The following LRP1B variants were observed in gnomAD, a reference collection of about 807,000 sequenced individuals.
LRP1B encodes the protein LDL receptor related protein 1B.
LRP1B carries 217 observed loss-of-function variants against 556.6 expected under a neutral mutation model. The ratio of observed to expected loss-of-function variants is 0.39; its 90% CI spans 0.35 to 0.44. The LOEUF is 0.44. Among genes scored for constraint, LRP1B ranks in the 20% least tolerant of loss-of-function variants. LRP1B has a pLI of 1.00. For missense variants in LRP1B, 5,053 were observed against 5,620.8 expected (o/e 0.90, Z 3.23); for synonymous variants, 2,047 against 1,865.8 (o/e 1.10, Z -2.50).
chr2:141,835,775 T>C (rs759498244), intron 1 of LRP1B, among the ~76,000 whole-genome samples: 1 of 151,758 alleles, frequency 6.6e-6, no homozygotes, highest in Non-Finnish European at 1.5e-5. Context: ...ATGTATTACA[T>C]GGCTATAAAG....
At chr2:142,119,782 A>G (rs755810989) in intron 1 of LRP1B, among the ~76,000 whole-genome samples, 5 of 151,982 alleles carry the variant, frequency 3.3e-5, no homozygotes, top group Non-Finnish European at 7.4e-5. Flanking sequence ...TTTAGCTTCA[A>G]CAAGGACTAA....
intron 81 of LRP1B, among the ~76,000 whole-genome samples, chr2:140,323,300 C>A (rs1680257590): frequency 6.6e-6 from 1 of 151,924 alleles, no homozygotes; most frequent in South Asian, 2.1e-4. Flanking sequence ...CTTACCCACT[C>A]CTTTCTAGGA....
At chr2:140,867,984 A>G (rs1259014114) in intron 26 of LRP1B, 115 bp downstream of exon 26, 2 of 1,285,376 alleles carry the variant, frequency 1.6e-6, no homozygotes, top group Non-Finnish European at 2.1e-6. Flanking sequence ...AAAAAAAAAT[A>G]CACCTCCAAT....
chr2:140,764,117 A>G (rs180912468), intron 35 of LRP1B, among the ~76,000 whole-genome samples: 7 of 152,304 alleles, frequency 4.6e-5, no homozygotes, highest in African/African-American at 1.7e-4. Flanking sequence ...CAAAGTCGTT[A>G]CTAGAAAAAT....
intron 1 of LRP1B, among the ~76,000 whole-genome samples, chr2:141,860,836 C>T (rs546904485): frequency 1.3e-5 from 2 of 152,270 alleles, no homozygotes; most frequent in Admixed American, 6.5e-5. Flanking sequence ...ATCTTCACAG[C>T]AACCTGAGAT....
At chr2:141,182,993 A>G (rs1681071537) in intron 7 of LRP1B, among the ~76,000 whole-genome samples, 1 of 151,960 alleles carries the variant, frequency 6.6e-6, no homozygotes, top group Non-Finnish European at 1.5e-5. Flanking sequence ...AGAAAAAAGT[A>G]CAAAGGGTCG....
At chr2:141,505,994 A>G (rs1683918224) in intron 2 of LRP1B, among the ~76,000 whole-genome samples, 1 of 152,100 alleles carries the variant, frequency 6.6e-6, no homozygotes, top group African/African-American at 2.4e-5. Flanking sequence ...TGTCCGGGAA[A>G]GACTGCCTCG....
At chr2:141,169,851 CATG>C (rs775637433) in intron 7 of LRP1B, among the ~76,000 whole-genome samples, 55 of 149,702 alleles carry the variant, frequency 3.7e-4, no homozygotes, top group Non-Finnish European at 6.2e-4. Flanking sequence ...TACTTTTGCT[CATG>C]ATGTTATTGA....
At chr2:141,493,966 A>G (rs1683425545) in intron 2 of LRP1B, among the ~76,000 whole-genome samples, 2 of 152,162 alleles carry the variant, frequency 1.3e-5, no homozygotes, top group African/African-American at 4.8e-5. Flanking sequence ...TACAATAATC[A>G]GCTAACTGAC....
At chr2:140,991,251 T>G (rs2105355360) in intron 16 of LRP1B, among the ~76,000 whole-genome samples, 1 of 152,262 alleles carries the variant, frequency 6.6e-6, no homozygotes, top group Admixed American at 6.5e-5. Flanking sequence ...TTTTGCAATT[T>G]TCAACAATAA....
intron 86 of LRP1B, among the ~76,000 whole-genome samples, chr2:140,253,599 C>T (rs1443229899): frequency 1.0e-5 from 1 of 100,302 alleles, no homozygotes; most frequent in East Asian, 3.7e-4. Context: ...AAGTGTTAAA[C>T]GATGACTAAA....
At chr2:140,397,344 T>C (rs1684299195) in intron 66 of LRP1B, among the ~76,000 whole-genome samples, 1 of 151,952 alleles carries the variant, frequency 6.6e-6, no homozygotes, top group Non-Finnish European at 1.5e-5. Context: ...TGCTCTCCCC[T>C]CCCCTCTCCC....
chr2:140,475,051 G>A (rs1687914591), intron 60 of LRP1B, 87 bp downstream of exon 60: 1 of 515,428 alleles, frequency 1.9e-6, no homozygotes, highest in Non-Finnish European at 2.9e-6. Flanking sequence ...TGTTTTATGA[G>A]AGAAAGCATA....
chr2:140,368,073 T>TA (rs34290592), intron 71 of LRP1B, among the ~76,000 whole-genome samples: 63 of 151,798 alleles, frequency 4.2e-4, no homozygotes, highest in African/African-American at 1.4e-3. Context: ...AAATTTGCAC[T>TA]AAAAAAATGC....
At chr2:140,324,977 CTG>C (rs1486019221) in intron 80 of LRP1B, among the ~76,000 whole-genome samples, 5 of 150,092 alleles carry the variant, frequency 3.3e-5, no homozygotes, top group African/African-American at 1.2e-4. Flanking sequence ...TTTAACTTCC[CTG>C]TGTTATTAAA....
At chr2:141,272,881 A>G (rs571217698) in intron 3 of LRP1B, among the ~76,000 whole-genome samples, 1 of 152,354 alleles carries the variant, frequency 6.6e-6, no homozygotes, top group African/African-American at 2.4e-5. Flanking sequence ...TGAAGACCTC[A>G]ATGTTCCACT....
At chr2:140,788,469 A>AAAT in intron 32 of LRP1B, among the ~76,000 whole-genome samples, 1 of 151,532 alleles carries the variant, frequency 6.6e-6, no homozygotes, top group South Asian at 2.1e-4. Context: ...AAAAAATAAT[A>AAAT]TATATTACCT....
At chr2:142,096,266 C>T (rs569955376) in intron 1 of LRP1B, among the ~76,000 whole-genome samples, 2 of 151,490 alleles carry the variant, frequency 1.3e-5, no homozygotes, top group African/African-American at 2.4e-5. Flanking sequence ...CACTAAGACT[C>T]GGTAACAGTG....
At chr2:140,461,420 A>T (rs756042807) in intron 60 of LRP1B, among the ~76,000 whole-genome samples, 2 of 152,188 alleles carry the variant, frequency 1.3e-5, no homozygotes, top group Non-Finnish European at 2.9e-5. Flanking sequence ...ATGTCAATAG[A>T]CATTTCACTA....
Sources: gnomAD v4.1 joint callset for allele counts (sites outside exome capture counted in the v4.1 genomes callset) on GRCh38, gnomAD v4.1.1 for gene constraint, MANE v1.5 for transcripts, NCBI Gene and HGNC (gene_info 2026-07-23, HGNC 2026-07-21) for gene names.